Variants in PDE1A observed in about 807,000 individuals in gnomAD.
PDE1A encodes the protein phosphodiesterase 1A, also known as dual specificity calcium/calmodulin-dependent 3',5'-cyclic nucleotide phosphodiesterase 1A.
A neutral mutation model predicts 61.7 loss-of-function variants in PDE1A; 35 were observed. That is an observed-to-expected ratio of 0.57 (90% CI 0.43 to 0.75). PDE1A has a LOEUF of 0.75. Among genes scored for constraint, PDE1A ranks in the 30% least tolerant of loss-of-function variants. The probability of loss-of-function intolerance (pLI) is 0.00; values close to 1 mark genes in which losing one functional copy is unlikely to be tolerated. For synonymous variants in PDE1A, 232 were observed against 213.2 expected (o/e 1.09, Z -0.77); for missense variants, 597 against 630.6 (o/e 0.95, Z 0.57).
rs928286022 is a variant in PDE1A at position 182,507,683 on chromosome 2, T to C, written c.101+14593A>G. 5.3e-5 allele frequency among the ~76,000 whole-genome samples: 8 copies of C among 152,264 alleles called. No homozygotes were observed. The East Asian group carries it at 5.8e-4, about 11-fold the overall frequency. ...CCATTACTGCAACAGCAAACAACAA[T>C]ATGATAGAATTTCTGGAAAATAAAT... On this transcript the variant is annotated intron_variant, in intron 2 of 14. Coordinates refer to the PDE1A transcript ENST00000410103.
At chr2:182,686,550 C>T in the PDE1A span, among the ~76,000 whole-genome samples, 3 of 152,088 alleles carry the variant, frequency 2.0e-5, no homozygotes, top group East Asian at 3.9e-4. Context: ...GGTTGACAGG[C>T]GGTTCCAAGA....
chr2:182,616,351 CAGA>C, the PDE1A span, among the ~76,000 whole-genome samples: 1 of 152,202 alleles, frequency 6.6e-6, no homozygotes, highest in African/African-American at 2.4e-5. Context: ...TAATCTGCCT[CAGA>C]AGGTGAGAGG....
At chr2:182,553,544 T>A in the PDE1A span, among the ~76,000 whole-genome samples, 2 of 152,246 alleles carry the variant, frequency 1.3e-5, no homozygotes, top group African/African-American at 4.8e-5. Flanking sequence ...AAGATTTTTT[T>A]AAATAAAATG....
chr2:182,237,802 A>G (rs1316057320), intron 3 of PDE1A, among the ~76,000 whole-genome samples: 1 of 152,148 alleles, frequency 6.6e-6, no homozygotes, highest in Non-Finnish European at 1.5e-5. Flanking sequence ...AAATAACAGG[A>G]TGAATGGCTC....
exon 8 of PDE1A, chr2:182,206,061 C>G (rs1467392348): frequency 1.2e-6 from 2 of 1,604,430 alleles, no homozygotes; most frequent in Non-Finnish European, 1.7e-6. Context: ...ATGGCAACAT[C>G]TGACCTAAGA....
the PDE1A span, among the ~76,000 whole-genome samples, chr2:182,651,289 G>T: frequency 1.2e-4 from 18 of 152,298 alleles, no homozygotes; most frequent in South Asian, 6.2e-4. Flanking sequence ...TTACAGGTAT[G>T]AGCCACCACA....
At chr2:182,280,549 T>C (rs1307474870) in intron 1 of PDE1A, among the ~76,000 whole-genome samples, 2 of 152,010 alleles carry the variant, frequency 1.3e-5, no homozygotes, top group African/African-American at 4.8e-5. Context: ...ATATTCTAGA[T>C]TGAAAAGAAT....
At chr2:182,457,244 T>G (rs1045311326) in intron 2 of PDE1A, among the ~76,000 whole-genome samples, 1 of 152,072 alleles carries the variant, frequency 6.6e-6, no homozygotes, top group East Asian at 1.9e-4. Flanking sequence ...TTTTATACTC[T>G]AAAATATTCC....
the PDE1A span, among the ~76,000 whole-genome samples, chr2:182,651,278 A>ATTTGTATTT: frequency 3.3e-5 from 5 of 152,198 alleles, no homozygotes. Flanking sequence ...AAGTGCTAGG[A>ATTTGTATTT]TTACAGGTAT....
chr2:182,299,801 A>T (rs1206198548), intron 1 of PDE1A, among the ~76,000 whole-genome samples: 1 of 152,144 alleles, frequency 6.6e-6, no homozygotes, highest in Non-Finnish European at 1.5e-5. Context: ...TCTTGATTAT[A>T]CACCAAGATT....
chr2:182,187,364 A>G (rs1344386442), intron 11 of PDE1A, among the ~76,000 whole-genome samples: 1 of 152,198 alleles, frequency 6.6e-6, no homozygotes, highest in African/African-American at 2.4e-5. Context: ...GCAGAGGAGG[A>G]GACAACAACC....
chr2:182,661,730 G>A, the PDE1A span, among the ~76,000 whole-genome samples: 4 of 152,120 alleles, frequency 2.6e-5, no homozygotes, highest in African/African-American at 7.2e-5. Flanking sequence ...TGGATGTAAT[G>A]TACCAAATAT....
chr2:182,370,350 A>G (rs1243117139), intron 1 of PDE1A, among the ~76,000 whole-genome samples: 1 of 152,220 alleles, frequency 6.6e-6, no homozygotes, highest in Non-Finnish European at 1.5e-5. Flanking sequence ...TGAAAGGATC[A>G]TAACAGACAG....
chr2:182,168,932 A>G (rs1041502204), intron 13 of PDE1A, among the ~76,000 whole-genome samples: 6 of 152,070 alleles, frequency 3.9e-5, no homozygotes, highest in South Asian at 2.1e-4. Context: ...ATTGTGCTCT[A>G]TCATTCCTTA....
At chr2:182,210,962 C>T (rs114049355) in intron 7 of PDE1A, among the ~76,000 whole-genome samples, 5,832 of 151,946 alleles carry the variant, frequency 0.038, 173 homozygotes, top group Non-Finnish European at 0.061. Context: ...ATCAACATAC[C>T]ATCATCTCAG....
chr2:182,460,021 G>T (rs950193021), intron 2 of PDE1A, among the ~76,000 whole-genome samples: 3 of 152,034 alleles, frequency 2.0e-5, no homozygotes, highest in African/African-American at 7.2e-5. Context: ...GTCATCTTTT[G>T]TTCTTCCTTC....
chr2:182,197,654 C>T (rs1686247903), intron 10 of PDE1A, among the ~76,000 whole-genome samples: 3 of 151,836 alleles, frequency 2.0e-5, no homozygotes, highest in Admixed American at 2.0e-4. Flanking sequence ...TGTGGAAAGA[C>T]TTTCCTTTCC....
intron 1 of PDE1A, among the ~76,000 whole-genome samples, chr2:182,350,960 AC>A (rs1698840954): frequency 6.6e-6 from 1 of 152,178 alleles, no homozygotes; most frequent in Admixed American, 6.6e-5. Flanking sequence ...CCACTCTGTA[AC>A]TTTTATAGCT....
intron 1 of PDE1A, among the ~76,000 whole-genome samples, chr2:182,282,588 C>T (rs75050787): frequency 0.1 from 15,823 of 151,994 alleles, 1,169 homozygotes; most frequent in East Asian, 0.32. Context: ...GGTAAGGAGA[C>T]ATCCATATCA....
Sources: allele counts gnomAD v4.1 joint callset (sites outside exome capture counted in the v4.1 genomes callset), GRCh38; gene constraint gnomAD v4.1.1; transcripts MANE v1.5; gene names NCBI Gene and HGNC (gene_info 2026-07-23, HGNC 2026-07-21).